Variants in PCDH9 observed in about 807,000 individuals in gnomAD.
PCDH9 encodes the protein protocadherin 9.
A neutral mutation model predicts 70.6 loss-of-function variants in PCDH9; 24 were observed. The observed-to-expected ratio is 0.34, with a 90% CI of 0.25 to 0.48. The LOEUF (loss-of-function observed/expected upper bound fraction) is 0.48, where lower values mean the gene tolerates loss of function less well. PCDH9 is among the 20% of genes least tolerant of loss of function. The pLI is 0.99. For missense variants in PCDH9, 1,281 were observed against 1,503.6 expected, an observed-to-expected ratio of 0.85 and a Z score of 2.45; for synonymous variants, 562 against 558.5, an observed-to-expected ratio of 1.01 and a Z score of -0.09.
At chr13:66,508,812 A>G (rs1465424159) in intron 4 of PCDH9, among the ~76,000 whole-genome samples, 3 of 152,216 alleles carry the variant, frequency 2.0e-5, no homozygotes, top group African/African-American at 7.2e-5. Flanking sequence ...TAGGTTTGCA[A>G]TGAAGAATTT....
chr13:66,933,833 A>G (rs1304790686), intron 2 of PCDH9, among the ~76,000 whole-genome samples: 1 of 151,188 alleles, frequency 6.6e-6, no homozygotes, highest in Non-Finnish European at 1.5e-5. Context: ...TCAAAACATG[A>G]CATTTGTTTT....
At chr13:66,525,796 A>G (rs561484750) in intron 4 of PCDH9, among the ~76,000 whole-genome samples, 85 of 152,204 alleles carry the variant, frequency 5.6e-4, no homozygotes, top group African/African-American at 2.0e-3. Flanking sequence ...CGTGGCCAAA[A>G]TGAAGCTTGT....
At chr13:66,421,447 A>G (rs1313609151) in intron 4 of PCDH9, among the ~76,000 whole-genome samples, 2 of 152,190 alleles carry the variant, frequency 1.3e-5, no homozygotes, top group Non-Finnish European at 2.9e-5. Flanking sequence ...GTTACCCACA[A>G]AGGGAAGCCC....
chr13:66,871,072 G>C (rs1237312876), intron 3 of PCDH9, among the ~76,000 whole-genome samples: 1 of 152,012 alleles, frequency 6.6e-6, no homozygotes, highest in Non-Finnish European at 1.5e-5. Flanking sequence ...AAAATGATGA[G>C]TTCATGTCCT....
intron 3 of PCDH9, among the ~76,000 whole-genome samples, chr13:66,820,426 G>A (rs1378912131): frequency 6.6e-6 from 1 of 152,136 alleles, no homozygotes; most frequent in African/African-American, 2.4e-5. Context: ...CAACCATTGT[G>A]GAAGACAGTG....
chr13:66,937,342 AC>A (rs1434161276), intron 2 of PCDH9, among the ~76,000 whole-genome samples: 3 of 152,168 alleles, frequency 2.0e-5, no homozygotes, highest in Non-Finnish European at 2.9e-5. Flanking sequence ...CTAACTCTAA[AC>A]CGCCTGTTCT....
intron 4 of PCDH9, among the ~76,000 whole-genome samples, chr13:66,559,228 C>A (rs1308446632): frequency 1.3e-5 from 2 of 152,122 alleles, no homozygotes; most frequent in Non-Finnish European, 2.9e-5. Context: ...TTTACTGATA[C>A]CTAGTAATCT....
At chr13:66,482,266 T>G (rs1315534770) in intron 4 of PCDH9, among the ~76,000 whole-genome samples, 1 of 152,084 alleles carries the variant, frequency 6.6e-6, no homozygotes, top group East Asian at 1.9e-4. Flanking sequence ...TTCTTTTCAC[T>G]CTGCCATTTT....
At chr13:66,361,441 G>A (rs905905790) in intron 4 of PCDH9, among the ~76,000 whole-genome samples, 2 of 151,930 alleles carry the variant, frequency 1.3e-5, no homozygotes, top group Non-Finnish European at 2.9e-5. Context: ...TCATGGATCC[G>A]GTAATAGAAG....
chr13:66,839,087 A>C (rs950101118), intron 3 of PCDH9, among the ~76,000 whole-genome samples: 4 of 151,994 alleles, frequency 2.6e-5, no homozygotes, highest in African/African-American at 9.7e-5. Context: ...TATTAAAAAA[A>C]CTTTAAAAAT....
At chr13:66,634,823 G>A (rs1398388031) in intron 3 of PCDH9, among the ~76,000 whole-genome samples, 1 of 152,090 alleles carries the variant, frequency 6.6e-6, no homozygotes, top group African/African-American at 2.4e-5. Context: ...TCTTTCACAA[G>A]TGAAATATGT....
chr13:66,992,639 T>C (rs1407989881), intron 2 of PCDH9, among the ~76,000 whole-genome samples: 1 of 152,108 alleles, frequency 6.6e-6, no homozygotes, highest in Non-Finnish European at 1.5e-5. Flanking sequence ...TGGTTATATA[T>C]TTATATATAT....
At chr13:67,103,515 A>AT (rs1485645182) in intron 2 of PCDH9, among the ~76,000 whole-genome samples, 2 of 152,238 alleles carry the variant, frequency 1.3e-5, no homozygotes, top group African/African-American at 4.8e-5. Flanking sequence ...TAAACCTCTA[A>AT]ATCCAATATA....
At chr13:67,191,524 T>A (rs71427639) in intron 2 of PCDH9, among the ~76,000 whole-genome samples, 22,109 of 152,116 alleles carry the variant, frequency 0.15, 1,868 homozygotes, top group South Asian at 0.2. Flanking sequence ...TAATCTCGTA[T>A]AAAGTTAGGA....
At chr13:66,771,015 C>A (rs147124703) in intron 3 of PCDH9, among the ~76,000 whole-genome samples, 2,036 of 152,302 alleles carry the variant, frequency 0.013, 28 homozygotes, top group Non-Finnish European at 0.017. Flanking sequence ...TACTGTGTTC[C>A]AGTATGGCTA....
chr13:67,081,176 A>G (rs557986643), intron 2 of PCDH9, among the ~76,000 whole-genome samples: 34 of 152,336 alleles, frequency 2.2e-4, no homozygotes, highest in African/African-American at 7.7e-4. Flanking sequence ...GAGATAAGAC[A>G]AGGATATAGA....
chr13:67,212,267 T>C (rs1455158278), intron 2 of PCDH9: 1 of 152,024 alleles, frequency 6.6e-6, no homozygotes, highest in Non-Finnish European at 1.5e-5. Flanking sequence ...TCTCCAGCAG[T>C]AGTTAAAAAA....
intron 4 of PCDH9, among the ~76,000 whole-genome samples, chr13:66,427,252 A>G (rs1354529464): frequency 1.3e-5 from 2 of 151,724 alleles, no homozygotes; most frequent in African/African-American, 4.8e-5. Context: ...AATTACTACC[A>G]TAATGATTAA....
intron 4 of PCDH9, among the ~76,000 whole-genome samples, chr13:66,588,489 G>T (rs965463682): frequency 9.5e-5 from 2 of 21,050 alleles, no homozygotes; most frequent in Admixed American, 1.1e-3. Flanking sequence ...AGGAGAGAAC[G>T]TCATATATAT....
Sources: gnomAD v4.1 joint callset for allele counts (sites outside exome capture counted in the v4.1 genomes callset) on GRCh38, gnomAD v4.1.1 for gene constraint, MANE v1.5 for transcripts, NCBI Gene and HGNC (gene_info 2026-07-23, HGNC 2026-07-21) for gene names.